ANLN: variants seen among roughly 807,000 people sequenced by gnomAD.
The protein encoded by ANLN is anillin, actin binding protein, also known as anillin.
Under a neutral mutation model 135.1 loss-of-function variants are expected in ANLN, and 59 were observed. The observed-to-expected ratio is 0.44, with a 90% CI of 0.35 to 0.54. The LOEUF (loss-of-function observed/expected upper bound fraction) is 0.54, where lower values mean the gene tolerates loss of function less well. Ranked by LOEUF, ANLN falls within the 20% of genes least tolerant of loss-of-function variation. The pLI is 0.00. For synonymous variants in ANLN, 406 were observed against 456.4 expected (o/e 0.89, Z 1.41); for missense variants, 1,182 against 1,340.0 (o/e 0.88, Z 1.84).
intron 7 of ANLN, among the ~76,000 whole-genome samples, chr7:36,412,562 A>T (rs1212795139): frequency 6.6e-6 from 1 of 152,006 alleles, no homozygotes; most frequent in Non-Finnish European, 1.5e-5. Flanking sequence ...TCGTGACCTC[A>T]GGTGATCCGC....
intron 12 of ANLN, among the ~76,000 whole-genome samples, chr7:36,421,390 TA>T (rs1461514685): frequency 1.3e-5 from 2 of 150,644 alleles, no homozygotes; most frequent in Admixed American, 1.3e-4. Context: ...ATTTTAATTA[TA>T]AAAAAAAATA....
chr7:36,394,965 T>G (rs2116499702), intron 1 of ANLN, among the ~76,000 whole-genome samples: 1 of 152,350 alleles, frequency 6.6e-6, no homozygotes, highest in Middle Eastern at 3.4e-3. Context: ...AGATTTCAAT[T>G]TAAAACCATT....
chr7:36,444,246 C>T (rs931176275), intron 22 of ANLN, among the ~76,000 whole-genome samples: 3 of 150,816 alleles, frequency 2.0e-5, no homozygotes, highest in Non-Finnish European at 2.9e-5. Context: ...GCCGAGATCA[C>T]GCCACGGCAC....
At chr7:36,394,066 T>A (rs1786591950) in intron 1 of ANLN, among the ~76,000 whole-genome samples, 1 of 152,116 alleles carries the variant, frequency 6.6e-6, no homozygotes, top group Non-Finnish European at 1.5e-5. Context: ...AGTAATCCTT[T>A]TGCTTCAGCC....
chr7:36,419,100 T>A (rs2116649991), intron 9 of ANLN, 144 bp from the exon 10 acceptor site: 1 of 584,668 alleles, frequency 1.7e-6, no homozygotes, highest in South Asian at 2.3e-5. Context: ...TTAGTAGTAT[T>A]TTCTTATTTT....
intron 22 of ANLN, chr7:36,448,887 T>C (rs1042037940): frequency 3.3e-5 from 5 of 152,258 alleles, no homozygotes; most frequent in Admixed American, 3.3e-4. Flanking sequence ...TCATTGTTAA[T>C]GGTTTTTGAT....
chr7:36,394,500 G>C (rs1245369883), intron 1 of ANLN, among the ~76,000 whole-genome samples: 1 of 152,116 alleles, frequency 6.6e-6, no homozygotes, highest in Non-Finnish European at 1.5e-5. Context: ...TGAATTTGTT[G>C]AAGGACTTTT....
chr7:36,428,440 C>T (rs951074946), intron 20 of ANLN: 1 of 751,764 alleles, frequency 1.3e-6, no homozygotes, highest in African/African-American at 1.9e-5. Context: ...ATTTGTTTTA[C>T]TAACTATCTT....
chr7:36,414,341 T>G (rs918411796), intron 7 of ANLN, among the ~76,000 whole-genome samples: 2 of 152,074 alleles, frequency 1.3e-5, no homozygotes, highest in Non-Finnish European at 2.9e-5. Flanking sequence ...ATTTGTGTGA[T>G]GGGATAAGGG....
chr7:36,422,826 TC>T lies in ANLN; in HGVS notation c.2476+18del. The T allele has an allele frequency of 1.3e-6, 2 of 1,578,670 alleles. No homozygotes were observed. Among genetic ancestry groups the T allele is most frequent in the Non-Finnish European group, 1.7e-6 (2 of 1,166,940 alleles). ...AGAAACCAGGTATGGTGGTGATTTT[TC>T]TAGATTGTGTGTTAAATTATGAACC... On this transcript the variant is annotated intron_variant, in intron 14 of 23. Transcript: ENST00000265748.
At chr7:36,420,108 C>T (rs893095595) in intron 10 of ANLN, 61 bp from the exon 11 acceptor site, 2 of 1,488,928 alleles carry the variant, frequency 1.3e-6, no homozygotes, top group Non-Finnish European at 1.8e-6. Context: ...CATTGATTTT[C>T]ACAGAATAAA....
intron 20 of ANLN, among the ~76,000 whole-genome samples, chr7:36,435,645 G>A (rs7791515): frequency 0.057 from 8,607 of 151,714 alleles, 531 homozygotes; most frequent in African/African-American, 0.16. Context: ...AGGCCGAGGC[G>A]GGCGGATCAC....
intron 14 of ANLN, among the ~76,000 whole-genome samples, chr7:36,423,091 T>G (rs1410929045): frequency 6.6e-6 from 1 of 152,186 alleles, no homozygotes; most frequent in African/African-American, 2.4e-5. Flanking sequence ...TTTATTTGTG[T>G]GGAACACAAA....
At chr7:36,414,923 AG>A (rs1317035113) in intron 7 of ANLN, among the ~76,000 whole-genome samples, 1 of 152,210 alleles carries the variant, frequency 6.6e-6, no homozygotes, top group Non-Finnish European at 1.5e-5. Context: ...TGGAGATACT[AG>A]TACCTAACAT....
chr7:36,411,080 T>A lies in ANLN; in HGVS notation c.1309T>A (p.Cys437Ser). The change falls in exon 7 of 24, where the codon TGT (cysteine) becomes AGT (serine). Residue 437 changes from cysteine (C) to serine (S), a missense_variant. Around this residue, in one of 3 missense-constraint regions of ANLN, gnomAD observed 1,022 missense variants for 1,134.0 expected, o/e 0.90. Coordinates refer to ENST00000265748, the MANE Select transcript of ANLN (RefSeq NM_018685.5). ...LKQERQKELACLRGRFDKGNI... is the reference protein window; with the variant it reads ...LKQERQKELASLRGRFDKGNI... Reference sequence around the variant, plus strand: ...TTAGGAACGTCAAAAAGAACTAGCATGTCTTCGTGGCCGATTTGACAAGGG... The same window carrying A: ...TTAGGAACGTCAAAAAGAACTAGCAAGTCTTCGTGGCCGATTTGACAAGGG... 6.2e-7 allele frequency: 1 copy of A among 1,608,470 alleles called. No individual in the cohort carries two copies. The highest frequency in any genetic ancestry group is 8.5e-7 in the Non-Finnish European group (1 of 1,178,878).
intron 3 of ANLN, among the ~76,000 whole-genome samples, chr7:36,400,183 A>T (rs1049410313): frequency 1.3e-5 from 2 of 152,228 alleles, no homozygotes; most frequent in Admixed American, 1.3e-4. Context: ...CAGTTACATG[A>T]CTAACAAGCT....
chr7:36,448,466 G>C (rs1212234572), intron 22 of ANLN, among the ~76,000 whole-genome samples: 2 of 152,084 alleles, frequency 1.3e-5, no homozygotes, highest in Non-Finnish European at 2.9e-5. Flanking sequence ...GCTTTGCTAG[G>C]GTGTTTTAAA....
In ANLN at chr7:36,411,163, A is replaced by G. The variant is rs773985641; in HGVS notation, c.1392A>G (p.Lys464=). The G allele has an allele frequency of 8.7e-6, 14 of 1,604,284 alleles. No individual in the cohort carries two copies. The South Asian group carries it at 1.2e-4, about 14-fold the overall frequency. Residue 464 remains lysine (K), a synonymous_variant, in exon 7 of 24, where the codon AAA becomes AAG. Transcript: ENST00000265748. ...CAAAAAGCAAACAACTAGAAACCAA[A>G]CAGGTAATGTAAACAAGAAATATAA... The part of the protein sequence containing the change: ...GNSKSKQLET[K]QETHCQSTPL...
chr7:36,439,542 T>C (rs1260205214), intron 21 of ANLN, among the ~76,000 whole-genome samples: 2 of 152,170 alleles, frequency 1.3e-5, no homozygotes, highest in East Asian at 3.8e-4. Flanking sequence ...AATATAATAC[T>C]CTAATAGGAG....
Sources: gnomAD v4.1 joint callset for allele counts (sites outside exome capture counted in the v4.1 genomes callset) on GRCh38, gnomAD v4.1.1 for gene constraint, gnomAD v4.1.1 regional missense constraint, MANE v1.5 for transcripts, NCBI Gene and HGNC (gene_info 2026-07-23, HGNC 2026-07-21) for gene names.